The following DACH2 variants were observed in gnomAD, a reference collection of about 807,000 sequenced individuals.
The protein encoded by DACH2 is dachshund family transcription factor 2, also known as dachshund homolog 2.
A neutral mutation model predicts 35.8 loss-of-function variants in DACH2; 17 were observed. That is an observed-to-expected ratio of 0.48 (90% confidence interval 0.33 to 0.71). DACH2 has a LOEUF of 0.71. Among genes scored for constraint, DACH2 ranks in the 30% least tolerant of loss-of-function variants. The pLI is 0.02. For missense variants in DACH2, 469 were observed against 472.7 expected, an observed-to-expected ratio of 0.99 and a Z score of 0.07; for synonymous variants, 195 against 177.3, an observed-to-expected ratio of 1.10 and a Z score of -0.79.
At chrX:86,439,223 C>T (rs1024092304) in intron 2 of DACH2, among the ~76,000 whole-genome samples, 3 of 111,242 alleles carry the variant, frequency 2.7e-5, no homozygotes, top group African/African-American at 9.8e-5. Context: ...ATGTTCTTTG[C>T]CCACTTTTTA....
intron 5 of DACH2, among the ~76,000 whole-genome samples, chrX:86,702,632 G>A (rs996829213): frequency 1.8e-5 from 2 of 111,424 alleles, no homozygotes; most frequent in African/African-American, 6.5e-5. Context: ...GATTATTTGA[G>A]ACTACTATGA....
At chrX:86,474,993 C>A (rs2037820321) in intron 2 of DACH2, among the ~76,000 whole-genome samples, 1 of 111,625 alleles carries the variant, frequency 9.0e-6, no homozygotes, top group East Asian at 2.8e-4. Flanking sequence ...CTCTGCCTCC[C>A]AAAGTGCTGG....
chrX:86,564,277 A>G (rs146814487), intron 3 of DACH2, among the ~76,000 whole-genome samples: 6,922 of 110,972 alleles, frequency 0.062, 557 homozygotes, highest in African/African-American at 0.21. Context: ...AACTGCAATT[A>G]TATTTTTTCT....
chrX:86,600,837 G>A (rs1245294036), intron 3 of DACH2, among the ~76,000 whole-genome samples: 1 of 110,830 alleles, frequency 9.0e-6, no homozygotes, highest in African/African-American at 3.3e-5. Flanking sequence ...CCACTATATC[G>A]TGCACTTCCA....
chrX:86,466,515 A>C (rs2037671195), intron 2 of DACH2, among the ~76,000 whole-genome samples: 1 of 111,335 alleles, frequency 9.0e-6, no homozygotes, highest in African/African-American at 3.3e-5. Context: ...GCTTCCCAAC[A>C]GTCCCCCAAA....
intron 1 of DACH2, among the ~76,000 whole-genome samples, chrX:86,357,851 G>A (rs2035668272): frequency 8.9e-6 from 1 of 112,230 alleles, no homozygotes; most frequent in Non-Finnish European, 1.9e-5. Context: ...GCATATCCAT[G>A]AGACAAAAGT....
At chrX:86,189,142 C>G (rs1303010589) in intron 1 of DACH2, among the ~76,000 whole-genome samples, 1 of 112,034 alleles carries the variant, frequency 8.9e-6, no homozygotes, top group African/African-American at 3.2e-5. Flanking sequence ...TTGAATTTGT[C>G]TTGAGCAGAT....
chrX:86,397,557 T>C (rs1341669046), intron 2 of DACH2, among the ~76,000 whole-genome samples: 1 of 111,627 alleles, frequency 9.0e-6, no homozygotes, highest in Non-Finnish European at 1.9e-5. Context: ...TATTTTGAGA[T>C]ACGTCCCATC....
chrX:86,669,910 T>A lies in DACH2; in HGVS notation c.772+18743T>A, dbSNP rs1046989633. 8.1e-5 allele frequency among the ~76,000 whole-genome samples: 9 copies of A among 111,133 alleles called. No individual in the cohort carries two copies. In the South Asian group the frequency reaches 1.1e-3, roughly 14 times the overall value. Reference sequence around the variant, plus strand: ...GATAACTAGCATTAGGTTTTTTTTTTAAATGGTATGTAACACTGTCACAGG... The same window carrying A: ...GATAACTAGCATTAGGTTTTTTTTTAAAATGGTATGTAACACTGTCACAGG... On this transcript the variant is annotated intron_variant, in intron 4 of 11. Coordinates refer to ENST00000373125, the MANE Select transcript of DACH2 (RefSeq NM_053281.3).
intron 2 of DACH2, 90 bp from the exon 3 acceptor site, chrX:86,514,189 C>G: frequency 1.2e-6 from 1 of 832,231 alleles, no homozygotes; most frequent in Non-Finnish European, 1.7e-6. Flanking sequence ...GGCAATTAAA[C>G]AAGATTTAAA....
rs752829889 is a variant in DACH2, at chrX:86,832,187, T to A, written c.*32T>A. 3 of 1,077,151 alleles carry A rather than the reference T, an allele frequency of 2.8e-6. No homozygotes were observed. The South Asian group carries it at 5.8e-5, about 21-fold the overall frequency. 88.8% of individuals were successfully genotyped at this position (1,077,151 alleles called of 1,213,427 possible). A position where few individuals can be genotyped will look rare whatever the true frequency, so the allele number is the denominator to read the frequency against. ...CTCGCTGGCTTTACATAAATGAAGATGCTTGTGATTCCAGTTTATCTCTGA... is the reference window on the plus strand; with the variant it reads ...CTCGCTGGCTTTACATAAATGAAGAAGCTTGTGATTCCAGTTTATCTCTGA... On this transcript the variant is annotated 3_prime_UTR_variant, in exon 12 of 12. Coordinates refer to ENST00000373125, the MANE Select transcript of DACH2 (RefSeq NM_053281.3).
chrX:86,767,933 GTTGTTTGTTTTTTGTTTGTTTGT>G (rs2041951060), intron 7 of DACH2, among the ~76,000 whole-genome samples: 1 of 110,994 alleles, frequency 9.0e-6, no homozygotes, highest in Non-Finnish European at 1.9e-5. Flanking sequence ...TTGTTTGTTT[GTTGTTTGTTTTTTGTTTGTTTGT>G]TTGTTTGTTT....
At chrX:86,705,958 T>C (rs983932674) in intron 5 of DACH2, among the ~76,000 whole-genome samples, 1 of 112,072 alleles carries the variant, frequency 8.9e-6, no homozygotes, top group African/African-American at 3.2e-5. Flanking sequence ...TGGATGGAGC[T>C]GAAGGCCATC....
intron 3 of DACH2, among the ~76,000 whole-genome samples, chrX:86,591,945 C>T (rs776489809): frequency 5.4e-5 from 6 of 111,409 alleles, no homozygotes; most frequent in South Asian, 3.7e-4. Flanking sequence ...TTGTAAGATT[C>T]GTTTCTGGCC....
At chrX:86,650,131 G>T (rs2040461283) in intron 3 of DACH2, among the ~76,000 whole-genome samples, 1 of 110,583 alleles carries the variant, frequency 9.0e-6, no homozygotes, top group African/African-American at 3.3e-5. Flanking sequence ...AGACTTCCTA[G>T]GAGAAATAAT....
chrX:86,779,860 G>A (rs988018417), intron 7 of DACH2, among the ~76,000 whole-genome samples: 12 of 111,805 alleles, frequency 1.1e-4, no homozygotes, highest in Non-Finnish European at 3.8e-5. Flanking sequence ...TTGGCTGCTG[G>A]CATGTATATG....
intron 2 of DACH2, among the ~76,000 whole-genome samples, chrX:86,446,241 C>G (rs188667619): frequency 6.0e-4 from 65 of 107,605 alleles, no homozygotes; most frequent in Admixed American, 4.0e-3. Context: ...TTTGTCCTTA[C>G]CTATTAATTC....
chrX:86,649,471 C>A (rs781268949), intron 3 of DACH2, among the ~76,000 whole-genome samples: 3 of 110,973 alleles, frequency 2.7e-5, no homozygotes, highest in South Asian at 7.5e-4. Context: ...ATCATATTTT[C>A]TGTCTAGACA....
At chrX:86,579,175 C>A (rs910331816) in intron 3 of DACH2, among the ~76,000 whole-genome samples, 3 of 109,530 alleles carry the variant, frequency 2.7e-5, no homozygotes, top group Non-Finnish European at 5.7e-5. Flanking sequence ...TCACTGCAAC[C>A]GCCGCCTCCC....
Sources: allele counts gnomAD v4.1 joint callset (sites outside exome capture counted in the v4.1 genomes callset), GRCh38; gene constraint gnomAD v4.1.1; transcripts MANE v1.5; gene names NCBI Gene and HGNC (gene_info 2026-07-23, HGNC 2026-07-21).